VTI1A: variants seen among roughly 807,000 people sequenced by gnomAD.
VTI1A encodes vesicle transport through interaction with t-SNAREs 1A, also known as vesicle transport through interaction with t-SNAREs homolog 1A.
In VTI1A, 22 loss-of-function variants were observed where a neutral mutation model predicts 34.9. The observed-to-expected ratio is 0.63, with a 90% CI of 0.45 to 0.90. VTI1A has a LOEUF of 0.90. VTI1A is among the 40% of genes least tolerant of loss of function. The pLI, the probability that VTI1A is intolerant of heterozygous loss-of-function variation, is 0.00. For synonymous variants in VTI1A, 87 were observed against 97.3 expected (o/e 0.89, Z 0.62); for missense variants, 268 against 275.6 (o/e 0.97, Z 0.20).
chr10:112,506,932 AT>A (rs1356157121), intron 3 of VTI1A, among the ~76,000 whole-genome samples: 1 of 146,172 alleles, frequency 6.8e-6, no homozygotes, highest in Non-Finnish European at 1.5e-5. Context: ...TTAAAGCTGT[AT>A]TTTTTTGGTT....
At chr10:112,558,124 A>G (rs910671960) in intron 5 of VTI1A, among the ~76,000 whole-genome samples, 1 of 152,184 alleles carries the variant, frequency 6.6e-6, no homozygotes, top group Non-Finnish European at 1.5e-5. Context: ...ATCAAGGCAC[A>G]TTTAGTGAAT....
At chr10:112,742,590 G>A (rs1850730532) in intron 7 of VTI1A, among the ~76,000 whole-genome samples, 1 of 152,172 alleles carries the variant, frequency 6.6e-6, no homozygotes, top group Non-Finnish European at 1.5e-5. Flanking sequence ...GCTGCTAAAT[G>A]GTTTGCTTAA....
At chr10:112,842,484 G>T in the VTI1A span, among the ~76,000 whole-genome samples, 3 of 152,222 alleles carry the variant, frequency 2.0e-5, no homozygotes, top group African/African-American at 7.2e-5. Context: ...CCAAGGATGA[G>T]AACTGGTCCA....
At chr10:112,812,800 A>C (rs1853363852) in intron 7 of VTI1A, among the ~76,000 whole-genome samples, 2 of 152,170 alleles carry the variant, frequency 1.3e-5, no homozygotes, top group South Asian at 2.1e-4. Flanking sequence ...AGCACAAAGG[A>C]GTTCCTTCTA....
intron 7 of VTI1A, among the ~76,000 whole-genome samples, chr10:112,697,988 C>T (rs1050520942): frequency 3.3e-5 from 5 of 151,196 alleles, no homozygotes; most frequent in African/African-American, 9.7e-5. Context: ...AAGTGACATC[C>T]AGGGTTGTGT....
At position 112,535,406 on chromosome 10, in the gene VTI1A, A is replaced by AT. The variant is rs139860394; in HGVS notation, c.343-2839dup. Among the ~76,000 whole-genome samples the AT allele has an allele frequency of 2.0e-4, 31 of 152,234 alleles. No homozygotes were observed. The East Asian group carries it at 6.0e-3, about 29-fold the overall frequency. ...TAATCATAGAGAGAATGTTACCCCC[A>AT]TGTTTCTTAACTTGCAACTGTGCTA... On this transcript the variant is annotated intron_variant, in intron 4 of 7. Coordinates refer to ENST00000393077, the MANE Select transcript of VTI1A (RefSeq NM_145206.4).
At chr10:112,501,903 G>T (rs1180003083) in intron 3 of VTI1A, among the ~76,000 whole-genome samples, 2 of 151,794 alleles carry the variant, frequency 1.3e-5, no homozygotes, top group Non-Finnish European at 2.9e-5. Context: ...ATGATCTCAG[G>T]CCCTCGAGTT....
intron 3 of VTI1A, among the ~76,000 whole-genome samples, chr10:112,513,752 G>A (rs1849688923): frequency 6.6e-6 from 1 of 151,760 alleles, no homozygotes; most frequent in Non-Finnish European, 1.5e-5. Context: ...ATGAAAAGGT[G>A]TTGAATTTTG....
intron 5 of VTI1A, among the ~76,000 whole-genome samples, chr10:112,604,367 A>C (rs1313261472): frequency 6.6e-6 from 1 of 152,202 alleles, no homozygotes; most frequent in African/African-American, 2.4e-5. Flanking sequence ...GTCAGTGCAC[A>C]ATCAATTATG....
At chr10:112,594,910 A>G (rs906596330) in intron 5 of VTI1A, among the ~76,000 whole-genome samples, 2 of 151,306 alleles carry the variant, frequency 1.3e-5, no homozygotes, top group Non-Finnish European at 2.9e-5. Flanking sequence ...ACTTCAAACT[A>G]TACTACAAGG....
intron 5 of VTI1A, among the ~76,000 whole-genome samples, chr10:112,573,853 T>G (rs1273366021): frequency 6.6e-6 from 1 of 152,198 alleles, no homozygotes; most frequent in Non-Finnish European, 1.5e-5. Context: ...CCTAAGGTAA[T>G]TTGAGATGGG....
chr10:112,465,064 G>A (rs887452614), intron 3 of VTI1A, among the ~76,000 whole-genome samples: 1 of 152,110 alleles, frequency 6.6e-6, no homozygotes, highest in Non-Finnish European at 1.5e-5. Context: ...GTTTCCATGT[G>A]TATTTTTCCC....
chr10:112,499,821 C>T (rs764075599), intron 3 of VTI1A, among the ~76,000 whole-genome samples: 1 of 152,124 alleles, frequency 6.6e-6, no homozygotes, highest in African/African-American at 2.4e-5. Context: ...CTCATGGATT[C>T]CACCTCTAGA....
At chr10:112,723,897 A>G (rs537728826) in intron 7 of VTI1A, among the ~76,000 whole-genome samples, 21 of 152,374 alleles carry the variant, frequency 1.4e-4, no homozygotes, top group Middle Eastern at 3.4e-3. Flanking sequence ...TTTCTAGCAC[A>G]CAGATTCTAT....
rs114181061 is a variant in VTI1A, at chr10:112,509,831, C to T, written c.265-17256C>T. ...TAAGTTTAATTTGGAAAAATCATTCCTGCCAGTAACCAGTGATGGTTGGTA... is the reference window on the plus strand; with the variant it reads ...TAAGTTTAATTTGGAAAAATCATTCTTGCCAGTAACCAGTGATGGTTGGTA... On this transcript the variant is annotated intron_variant, in intron 3 of 7. Coordinates refer to ENST00000393077, the MANE Select transcript of VTI1A (RefSeq NM_145206.4). Among the ~76,000 whole-genome samples, 603 of 152,314 alleles carry T rather than the reference C, an allele frequency of 4.0e-3. 2 individuals are homozygous for T. The highest frequency in any genetic ancestry group is 0.013 in the African/African-American group (561 of 41,574).
intron 5 of VTI1A, among the ~76,000 whole-genome samples, chr10:112,636,748 T>C (rs1055782805): frequency 8.3e-6 from 1 of 120,716 alleles, no homozygotes; most frequent in Non-Finnish European, 1.9e-5. Flanking sequence ...AAAAAAAAAC[T>C]TCAAGTGTAG....
the VTI1A span, among the ~76,000 whole-genome samples, chr10:112,837,730 T>A: frequency 6.6e-6 from 1 of 152,198 alleles, no homozygotes; most frequent in African/African-American, 2.4e-5. Context: ...TCCCTAGAGA[T>A]ATACAGGTAA....
chr10:112,448,821 T>C (rs1224602732), intron 1 of VTI1A: 1 of 152,226 alleles, frequency 6.6e-6, no homozygotes, highest in Non-Finnish European at 1.5e-5. Flanking sequence ...TATGTGTTTA[T>C]AAGTAATTTT....
chr10:112,788,333 G>GT (rs1383697428), intron 7 of VTI1A, among the ~76,000 whole-genome samples: 2 of 152,024 alleles, frequency 1.3e-5, no homozygotes, highest in African/African-American at 2.4e-5. Context: ...TAGTTATTAG[G>GT]TGTGTGTATG....
Sources: gnomAD v4.1 joint callset for allele counts (sites outside exome capture counted in the v4.1 genomes callset) on GRCh38, gnomAD v4.1.1 for gene constraint, MANE v1.5 for transcripts, NCBI Gene and HGNC (gene_info 2026-07-23, HGNC 2026-07-21) for gene names.